MOB3B: variants seen among roughly 807,000 people sequenced by gnomAD.
The protein encoded by MOB3B is MOB kinase activator 3B.
MOB3B carries 7 observed loss-of-function variants against 18.7 expected under a neutral mutation model. The ratio of observed to expected loss-of-function variants is 0.37; its 90% CI spans 0.21 to 0.70. The LOEUF (loss-of-function observed/expected upper bound fraction) is 0.70, where lower values mean the gene tolerates loss of function less well. MOB3B is among the 30% of genes least tolerant of loss of function. The pLI, the probability that MOB3B is intolerant of heterozygous loss-of-function variation, is 0.52. For synonymous variants in MOB3B, 111 were observed against 99.9 expected (o/e 1.11, Z -0.66); for missense variants, 253 against 281.3 (o/e 0.90, Z 0.72).
chr9:27,451,354 T>C (rs561057544), intron 2 of MOB3B, among the ~76,000 whole-genome samples: 3 of 152,304 alleles, frequency 2.0e-5, no homozygotes, highest in East Asian at 3.9e-4. Flanking sequence ...GGGTTTGTAA[T>C]AAAAGAAGCC....
intron 3 of MOB3B, among the ~76,000 whole-genome samples, chr9:27,345,317 C>A (rs1346785689): frequency 6.6e-6 from 1 of 152,074 alleles, no homozygotes; most frequent in Non-Finnish European, 1.5e-5. Flanking sequence ...CCTGTATGAA[C>A]CATGACTGCA....
intron 3 of MOB3B, among the ~76,000 whole-genome samples, chr9:27,332,988 A>G (rs1053030792): frequency 2.6e-5 from 4 of 152,202 alleles, no homozygotes; most frequent in Admixed American, 6.5e-5. Flanking sequence ...TCATTCATGA[A>G]TTTTCAAAAT....
intron 2 of MOB3B, among the ~76,000 whole-genome samples, chr9:27,412,599 T>C (rs1822087256): frequency 6.6e-6 from 1 of 152,172 alleles, no homozygotes; most frequent in Non-Finnish European, 1.5e-5. Flanking sequence ...AGCACTGGGT[T>C]CCATTTTTCC....
chr9:27,518,997 T>C (rs906788678), intron 1 of MOB3B, among the ~76,000 whole-genome samples: 2 of 152,102 alleles, frequency 1.3e-5, no homozygotes, highest in African/African-American at 4.8e-5. Context: ...AGAGTAGAGG[T>C]ACGAAAGTGC....
intron 1 of MOB3B, among the ~76,000 whole-genome samples, chr9:27,487,151 A>ATAAATAAATAAC: frequency 6.6e-6 from 1 of 151,032 alleles, no homozygotes; most frequent in East Asian, 1.9e-4. Flanking sequence ...AAATAAATAA[A>ATAAATAAATAAC]TAAAATAAAT....
At chr9:27,457,384 G>A (rs780262984) in intron 1 of MOB3B, among the ~76,000 whole-genome samples, 2 of 152,198 alleles carry the variant, frequency 1.3e-5, no homozygotes, top group Non-Finnish European at 2.9e-5. Context: ...CACGGAATCT[G>A]TTAAAATGGG....
chr9:27,331,487 C>CTGGGGCTCTGGACATGTCTG (rs1820789842), intron 3 of MOB3B, among the ~76,000 whole-genome samples: 1 of 151,724 alleles, frequency 6.6e-6, no homozygotes, highest in Non-Finnish European at 1.5e-5. Flanking sequence ...TGTGTGTGTA[C>CTGGGGCTCTGGACATGTCTG]TGGGGCTCTG....
intron 3 of MOB3B, among the ~76,000 whole-genome samples, chr9:27,334,642 C>T (rs987522480): frequency 2.0e-5 from 3 of 152,130 alleles, no homozygotes; most frequent in African/African-American, 7.2e-5. Context: ...TTAGTCTAAC[C>T]TCAGTGTACC....
chr9:27,359,378 T>TGG (rs1344684348), intron 2 of MOB3B, 142 bp from the exon 3 acceptor site: 6,630 of 277,546 alleles, frequency 0.024, 520 homozygotes, highest in Non-Finnish European at 0.033. Context: ...TGTGTGTGTG[T>TGG]GGGGGGGGGG....
intron 1 of MOB3B, among the ~76,000 whole-genome samples, chr9:27,485,038 T>C (rs142594983): frequency 7.9e-4 from 121 of 152,294 alleles, no homozygotes; most frequent in Admixed American, 3.0e-3. Flanking sequence ...CGGATCCAAG[T>C]TCGAGACAAG....
intron 1 of MOB3B, among the ~76,000 whole-genome samples, chr9:27,496,389 CT>C (rs1222447529): frequency 6.6e-6 from 1 of 152,226 alleles, no homozygotes; most frequent in African/African-American, 2.4e-5. Context: ...AGCATGCATT[CT>C]TCTGATCAGA....
Position 27,427,154 on chromosome 9 carries a change from T to C in MOB3B, c.418+27979A>G, listed in dbSNP as rs143258748. The stretch of plus-strand genomic sequence containing the variant: ...TACCTGCATCAGAGTTCAGGGCACC[T>C]TGATGCAGACCTAAAGCAGTGCTAG... On this transcript the variant is annotated intron_variant, in intron 2 of 3. Coordinates refer to ENST00000262244, the MANE Select transcript of MOB3B (RefSeq NM_024761.5). 1.2e-3 allele frequency among the ~76,000 whole-genome samples: 188 copies of C among 152,314 alleles called. 2 individuals carry two copies. Among genetic ancestry groups the C allele is most frequent in the African/African-American group, 4.3e-3 (178 of 41,578 alleles).
At chr9:27,419,677 C>T (rs996139660) in intron 2 of MOB3B, among the ~76,000 whole-genome samples, 2 of 152,142 alleles carry the variant, frequency 1.3e-5, no homozygotes, top group African/African-American at 4.8e-5. Flanking sequence ...AAGACTTAAA[C>T]CTAAGACCTG....
intron 1 of MOB3B, among the ~76,000 whole-genome samples, chr9:27,458,853 T>G (rs1357043304): frequency 6.6e-6 from 1 of 152,040 alleles, no homozygotes; most frequent in Non-Finnish European, 1.5e-5. Flanking sequence ...TGGTATTATC[T>G]CCATTTTACA....
At chr9:27,361,193 T>C (rs898002359) in intron 2 of MOB3B, among the ~76,000 whole-genome samples, 6 of 152,170 alleles carry the variant, frequency 3.9e-5, no homozygotes, top group African/African-American at 1.4e-4. Context: ...GTTTCATAGA[T>C]AAATAGCACT....
At chr9:27,342,381 A>G (rs1161327390) in intron 3 of MOB3B, among the ~76,000 whole-genome samples, 2 of 152,188 alleles carry the variant, frequency 1.3e-5, no homozygotes, top group African/African-American at 4.8e-5. Flanking sequence ...TTCTAAAACA[A>G]GAGTGGAGTG....
At chr9:27,386,695 C>T (rs1821654037) in intron 2 of MOB3B, among the ~76,000 whole-genome samples, 1 of 152,192 alleles carries the variant, frequency 6.6e-6, no homozygotes. Flanking sequence ...TGCCTGAGTT[C>T]CACTGATATT....
At chr9:27,487,870 TGC>T (rs1167045014) in intron 1 of MOB3B, among the ~76,000 whole-genome samples, 1 of 152,204 alleles carries the variant, frequency 6.6e-6, no homozygotes, top group Non-Finnish European at 1.5e-5. Flanking sequence ...AACTTGGTCT[TGC>T]TCATGGTCTT....
chr9:27,483,807 G>T (rs985201407), intron 1 of MOB3B, among the ~76,000 whole-genome samples: 7 of 152,154 alleles, frequency 4.6e-5, no homozygotes, highest in African/African-American at 1.7e-4. Flanking sequence ...AAGAGAGCTG[G>T]TATTAATAGG....
Sources: gnomAD v4.1 joint callset for allele counts (sites outside exome capture counted in the v4.1 genomes callset) on GRCh38, gnomAD v4.1.1 for gene constraint, MANE v1.5 for transcripts, NCBI Gene and HGNC (gene_info 2026-07-23, HGNC 2026-07-21) for gene names.